Variants in DNAH12 observed in about 807,000 individuals in gnomAD.
DNAH12 encodes dynein axonemal heavy chain 12.
In DNAH12, 285 loss-of-function variants were observed where a neutral mutation model predicts 371.5. That is an observed-to-expected ratio of 0.77 (90% CI 0.70 to 0.85). The LOEUF (loss-of-function observed/expected upper bound fraction) is 0.85, where lower values mean the gene tolerates loss of function less well. DNAH12 is among the 40% of genes least tolerant of loss of function. DNAH12 has a pLI of 0.00. For missense variants in DNAH12, 3,611 were observed against 3,689.4 expected (o/e 0.98, Z 0.55); for synonymous variants, 1,200 against 1,213.0 (o/e 0.99, Z 0.22).
At chr3:57,403,540 T>A in intron 42 of DNAH12, 39 bp from the exon 43 acceptor site, 1 of 1,483,570 alleles carries the variant, frequency 6.7e-7, no homozygotes, top group Non-Finnish European at 9.1e-7. Flanking sequence ...CATTACAATA[T>A]AAATGTAAAT....
Position 57,425,048 on chromosome 3 carries a change from T to C in DNAH12, c.5347A>G (p.Ser1783Gly), listed in dbSNP as rs755425352. 1.4e-6 allele frequency: 1 copy of C among 702,662 alleles called. No homozygotes were observed. The highest frequency in any genetic ancestry group is 1.5e-5 in the South Asian group (1 of 67,504). The allele number at this position is 702,662 out of a possible 1,614,324, so 43.5% of individuals were successfully genotyped here. ...LCNVVENDPT[S>G]KHIRVWIMAC... The stretch of plus-strand genomic sequence containing the variant: ...ATAATCCAAACACGAATGTGCTTGC[T>C]AGTAGGATCATTTTCTACCACATTG... The change falls in exon 35 of 74, where the codon AGC (serine) becomes GGC (glycine). Residue 1783 changes from serine (S) to glycine (G), a missense_variant. Transcript: ENST00000495027.
chr3:57,299,824 G>C (rs889412711), intron 70 of DNAH12, among the ~76,000 whole-genome samples: 3 of 152,044 alleles, frequency 2.0e-5, no homozygotes, highest in Non-Finnish European at 4.4e-5. Flanking sequence ...TGTTCTTTAA[G>C]TTATCTAGTC....
intron 50 of DNAH12, 34 bp from the exon 51 acceptor site, chr3:57,380,401 T>A (rs1238410580): frequency 6.6e-6 from 1 of 152,238 alleles, no homozygotes; most frequent in African/African-American, 2.4e-5. Flanking sequence ...TTGTTAAATT[T>A]GCAACTAAAA....
chr3:57,316,622 C>T (rs562602102), intron 65 of DNAH12, among the ~76,000 whole-genome samples: 1 of 152,200 alleles, frequency 6.6e-6, no homozygotes, highest in South Asian at 2.1e-4. Context: ...ATTTGTAATC[C>T]CCGCTTTTCA....
chr3:57,404,314 CAGA>C (rs2063958990), intron 42 of DNAH12, among the ~76,000 whole-genome samples: 2 of 151,908 alleles, frequency 1.3e-5, no homozygotes, highest in African/African-American at 4.9e-5. Context: ...AACCAACTAG[CAGA>C]AGATTATATC....
chr3:57,546,057 C>A (rs2069551563), upstream of DNAH12, among the ~76,000 whole-genome samples: 1 of 152,094 alleles, frequency 6.6e-6, no homozygotes, highest in Admixed American at 6.6e-5. Context: ...CAAACTTTCT[C>A]TTCAGTTCCT....
At chr3:57,474,844 C>CGT (rs2066473762) in intron 13 of DNAH12, among the ~76,000 whole-genome samples, 1 of 151,810 alleles carries the variant, frequency 6.6e-6, no homozygotes, top group African/African-American at 2.4e-5. Context: ...GGCGTGGTGG[C>CGT]GCGTGCCTGT....
Position 57,446,222 on chromosome 3 carries a change from A to G in DNAH12, c.3988T>C (p.Phe1330Leu). Residue 1330 changes from phenylalanine to leucine, a missense_variant, in exon 27 of 74, where the codon TTC becomes CTC. Phe to Leu is a conservative substitution (Grantham distance 22, BLOSUM62 0). Transcript: ENST00000495027. ...AACACTTCCAACTCAATTCGATTGAATTCATCAAAGCAAGCCCAAGCACCA... is the reference window on the plus strand; with the variant it reads ...AACACTTCCAACTCAATTCGATTGAGTTCATCAAAGCAAGCCCAAGCACCA... ...SSGAWACFDE[F>L]NRIELEVLSV... The G allele has an allele frequency of 6.4e-7, 1 of 1,551,980 alleles. No homozygotes were observed. The highest frequency in any genetic ancestry group is 8.7e-7 in the Non-Finnish European group (1 of 1,147,056).
intron 60 of DNAH12, among the ~76,000 whole-genome samples, chr3:57,336,352 T>G (rs1445506256): frequency 6.6e-6 from 1 of 152,184 alleles, no homozygotes; most frequent in Non-Finnish European, 1.5e-5. Context: ...TTAAAGTAGT[T>G]ATCATAAACA....
chr3:57,365,001 T>C (rs2063016443), intron 57 of DNAH12, among the ~76,000 whole-genome samples: 5 of 152,222 alleles, frequency 3.3e-5, no homozygotes, highest in Admixed American at 2.0e-4. Context: ...GAAACGCTTT[T>C]ACACTGTTGG....
intron 45 of DNAH12, among the ~76,000 whole-genome samples, chr3:57,390,424 A>AAAAAAAAAATATATATATAT: frequency 3.0e-5 from 1 of 33,440 alleles, no homozygotes; most frequent in African/African-American, 6.3e-5. Context: ...AAAAAAAAAA[A>AAAAAAAAAATATATATATAT]ATATATATAT....
At chr3:57,545,764 C>T (rs966310581), upstream of DNAH12, among the ~76,000 whole-genome samples, 7 of 152,124 alleles carry the variant, frequency 4.6e-5, no homozygotes, top group African/African-American at 1.7e-4. Flanking sequence ...TGCCTGGAGA[C>T]ATGCCCACGG....
intron 2 of DNAH12, among the ~76,000 whole-genome samples, chr3:57,539,302 A>G (rs78519980): frequency 1.6e-3 from 249 of 152,268 alleles, no homozygotes; most frequent in African/African-American, 5.7e-3. Flanking sequence ...ATTCTTTGTC[A>G]TGGCCGACAA....
chr3:57,399,580 T>C (rs879185373), intron 43 of DNAH12, among the ~76,000 whole-genome samples: 34,399 of 152,118 alleles, frequency 0.23, 4,508 homozygotes, highest in South Asian at 0.43. Flanking sequence ...GGATATTACA[T>C]AATGATAAAA....
chr3:57,329,293 A>G (rs74550880), intron 62 of DNAH12, among the ~76,000 whole-genome samples: 6,948 of 105,210 alleles, frequency 0.066, 196 homozygotes, highest in East Asian at 0.13. Flanking sequence ...GAGGCATCAC[A>G]CTACCTGACT....
rs905631718 is a variant in DNAH12, at chr3:57,296,414, C to T, written c.11554G>A (p.Asp3852Asn). The T allele has an allele frequency of 1.1e-5, 17 of 1,550,648 alleles. No individual in the cohort carries two copies. The Admixed American group carries it at 1.8e-4, about 16-fold the overall frequency. ...TAAACACCATCTTCTGGTGATGTGT[C>T]AGATGTATCAGATGGGATAACCTGA... Reference protein sequence around the residue: ...EFEVIPSDTSDTSPEDGVYIH... With the variant: ...EFEVIPSDTSNTSPEDGVYIH... The change falls in exon 72 of 74, where the codon GAC becomes AAC. Residue 3852 changes from aspartate to asparagine, a missense_variant. Asp to Asn is a conservative substitution (Grantham distance 23). Transcript: ENST00000495027.
the DNAH12 span, among the ~76,000 whole-genome samples, chr3:57,552,244 CAA>C: frequency 6.1e-5 from 8 of 131,980 alleles, no homozygotes; most frequent in Middle Eastern, 3.7e-3. Flanking sequence ...GACTCCATCT[CAA>C]AAAAAAAAAA....
chr3:57,345,029 A>T (rs1031164505), intron 60 of DNAH12, among the ~76,000 whole-genome samples: 2 of 130,632 alleles, frequency 1.5e-5, no homozygotes, highest in Middle Eastern at 4.0e-3. Flanking sequence ...TTACTGATAA[A>T]CAGTTAATTG....
chr3:57,431,269 TA>T (rs2064948010), intron 32 of DNAH12, among the ~76,000 whole-genome samples: 1 of 152,102 alleles, frequency 6.6e-6, no homozygotes, highest in African/African-American at 2.4e-5. Flanking sequence ...CCTCAATAGC[TA>T]AAGTCCTTGG....
Sources: allele counts gnomAD v4.1 joint callset (sites outside exome capture counted in the v4.1 genomes callset), GRCh38; gene constraint gnomAD v4.1.1; transcripts MANE v1.5; gene names NCBI Gene and HGNC (gene_info 2026-07-23, HGNC 2026-07-21).